DSCAM: variants seen among roughly 807,000 people sequenced by gnomAD.
The protein encoded by DSCAM is cell adhesion molecule DSCAM.
Under a neutral mutation model 217.7 loss-of-function variants are expected in DSCAM, and 47 were observed. The observed-to-expected ratio is 0.22, with a 90% CI of 0.17 to 0.28. The LOEUF (loss-of-function observed/expected upper bound fraction) is 0.28. DSCAM is among the 10% of genes least tolerant of loss of function. The pLI is 1.00. For synonymous variants in DSCAM, 1,056 were observed against 1,015.3 expected (o/e 1.04, Z -0.76); for missense variants, 2,080 against 2,618.3 (o/e 0.79, Z 4.49).
intron 10 of DSCAM, among the ~76,000 whole-genome samples, chr21:40,283,465 T>C (rs574192541): frequency 6.6e-6 from 1 of 152,242 alleles, no homozygotes; most frequent in Non-Finnish European, 1.5e-5. Flanking sequence ...ATTGCAAATA[T>C]ATGCATAGCT....
chr21:40,828,390 T>C (rs977603346), intron 1 of DSCAM, among the ~76,000 whole-genome samples: 2 of 152,214 alleles, frequency 1.3e-5, no homozygotes, highest in Admixed American at 1.3e-4. Context: ...TGTATGGGTC[T>C]GGTGTGGGAC....
chr21:40,653,808 C>T (rs187218758), intron 3 of DSCAM, among the ~76,000 whole-genome samples: 3 of 152,272 alleles, frequency 2.0e-5, no homozygotes. Context: ...GATTAAAACT[C>T]ATACCTGGCC....
At chr21:40,359,652 ATGAC>A (rs945508328) in intron 4 of DSCAM, among the ~76,000 whole-genome samples, 14 of 152,236 alleles carry the variant, frequency 9.2e-5, no homozygotes, top group African/African-American at 2.9e-4. Flanking sequence ...GAGAGAATGA[ATGAC>A]TAATACATGT....
intron 3 of DSCAM, among the ~76,000 whole-genome samples, chr21:40,413,766 C>A (rs747151035): frequency 1.3e-5 from 2 of 152,078 alleles, no homozygotes; most frequent in African/African-American, 2.4e-5. Flanking sequence ...AACATAGGGA[C>A]CTAAGGAGCT....
chr21:40,578,921 T>C (rs1014784237), intron 3 of DSCAM, among the ~76,000 whole-genome samples: 1 of 152,148 alleles, frequency 6.6e-6, no homozygotes, highest in Non-Finnish European at 1.5e-5. Context: ...ATGGAAGAGT[T>C]CCAGAAACAT....
At chr21:40,157,516 T>C (rs1041802749) in intron 16 of DSCAM, among the ~76,000 whole-genome samples, 3 of 152,210 alleles carry the variant, frequency 2.0e-5, no homozygotes, top group Admixed American at 6.5e-5. Context: ...CTTTTATCCA[T>C]GCTCCAATGG....
intron 14 of DSCAM, among the ~76,000 whole-genome samples, chr21:40,186,352 G>A (rs748208664): frequency 1.3e-5 from 2 of 152,088 alleles, no homozygotes; most frequent in Admixed American, 6.5e-5. Context: ...CTGCTTTTGC[G>A]GCCTAGAAGG....
At chr21:40,409,182 G>C (rs1180788758) in intron 3 of DSCAM, among the ~76,000 whole-genome samples, 1 of 152,152 alleles carries the variant, frequency 6.6e-6, no homozygotes, top group Non-Finnish European at 1.5e-5. Context: ...TGAGTATTGA[G>C]AGCTATGGCA....
At position 40,291,892 on chromosome 21, in the gene DSCAM, A is replaced by G. The variant is rs558775180; in HGVS notation, c.2182+4163T>C. 1.5e-4 allele frequency among the ~76,000 whole-genome samples: 23 copies of G among 152,308 alleles called. No individual in the cohort carries two copies. In the East Asian group the frequency reaches 3.5e-3, roughly 23 times the overall value. Reference sequence around the variant, plus strand: ...CCCAGGCCAGGCCCCAGGCTGATGCATCATCTATTCTCTCGCATTTGCAGT... The same window carrying G: ...CCCAGGCCAGGCCCCAGGCTGATGCGTCATCTATTCTCTCGCATTTGCAGT... On this transcript the variant is annotated intron_variant, in intron 10 of 32. Transcript: ENST00000400454.
chr21:40,390,991 CT>C (rs1465573931), intron 3 of DSCAM, among the ~76,000 whole-genome samples: 1 of 152,150 alleles, frequency 6.6e-6, no homozygotes, highest in Non-Finnish European at 1.5e-5. Context: ...AGAAAGAAAA[CT>C]GTATCTATGG....
intron 5 of DSCAM, among the ~76,000 whole-genome samples, chr21:40,349,136 C>CAAAAAAAAAA (rs758386936): frequency 0.02 from 771 of 38,656 alleles, 77 homozygotes; most frequent in African/African-American, 0.033. Context: ...GACTCCATCT[C>CAAAAAAAAAA]AAAAAAAAAA....
intron 18 of DSCAM, among the ~76,000 whole-genome samples, chr21:40,141,723 C>A (rs1268429285): frequency 1.3e-5 from 2 of 152,132 alleles, no homozygotes; most frequent in Non-Finnish European, 2.9e-5. Flanking sequence ...GGTGTGGGCC[C>A]CCCAGGCTTG....
At chr21:40,722,421 T>C (rs568823595) in intron 1 of DSCAM, among the ~76,000 whole-genome samples, 69 of 152,238 alleles carry the variant, frequency 4.5e-4, no homozygotes, top group African/African-American at 1.6e-3. Context: ...TGTTGTAAGG[T>C]CCTTCTATAA....
rs1374787587 is a variant in DSCAM at position 40,187,248 on chromosome 21, G to C, written c.2662C>G (p.Pro888Ala). 7 of 1,613,836 alleles carry C rather than the reference G, an allele frequency of 4.3e-6. No homozygotes were observed. Among genetic ancestry groups the C allele is most frequent in the Middle Eastern group, 1.6e-4 (1 of 6,084 alleles). Residue 888 changes from proline to alanine, a missense_variant, in exon 14 of 33, where the codon CCT (proline) becomes GCT (alanine). Transcript: ENST00000400454. ...ACATCTTTGATCTCAATTTCGGGAG[G>C]GTCTGGGGGCTCTGTGCCATCAACA... ...IQLTVQEPPD[P>A]PEIEIKDVKA...
At chr21:40,478,640 A>G (rs558574373) in intron 3 of DSCAM, among the ~76,000 whole-genome samples, 1 of 152,302 alleles carries the variant, frequency 6.6e-6, no homozygotes, top group Admixed American at 6.5e-5. Flanking sequence ...ATTTTGAGCA[A>G]AGAACTATAA....
At chr21:40,433,346 TAA>T (rs10678618) in intron 3 of DSCAM, among the ~76,000 whole-genome samples, 6 of 93,716 alleles carry the variant, frequency 6.4e-5, no homozygotes, top group Non-Finnish European at 8.1e-5. Flanking sequence ...AGACTCCGTC[TAA>T]AAAAAAAAAA....
At chr21:40,532,989 G>A (rs1302917467) in intron 3 of DSCAM, among the ~76,000 whole-genome samples, 2 of 151,990 alleles carry the variant, frequency 1.3e-5, no homozygotes, top group African/African-American at 4.8e-5. Flanking sequence ...GCCTCAGTGA[G>A]GGATGGCACA....
At chr21:40,135,307 C>T (rs2090195775) in intron 18 of DSCAM, among the ~76,000 whole-genome samples, 1 of 152,262 alleles carries the variant, frequency 6.6e-6, no homozygotes, top group Non-Finnish European at 1.5e-5. Flanking sequence ...TCTCCCTGGC[C>T]TCCATATAGG....
intron 10 of DSCAM, among the ~76,000 whole-genome samples, chr21:40,277,972 A>G (rs1017375155): frequency 3.3e-5 from 5 of 152,132 alleles, no homozygotes; most frequent in African/African-American, 9.6e-5. Flanking sequence ...GATTTTCTAC[A>G]TAGATAATTG....
Sources: gnomAD v4.1 joint callset for allele counts (sites outside exome capture counted in the v4.1 genomes callset) on GRCh38, gnomAD v4.1.1 for gene constraint, MANE v1.5 for transcripts, NCBI Gene and HGNC (gene_info 2026-07-23, HGNC 2026-07-21) for gene names.